SLC2A7: variants seen among roughly 807,000 people sequenced by gnomAD.
SLC2A7 encodes solute carrier family 2 member 7.
In SLC2A7, 50 loss-of-function variants were observed where a neutral mutation model predicts 50.5. The observed-to-expected ratio is 0.99, with a 90% CI of 0.79 to 1.25. SLC2A7 has a LOEUF of 1.25. Among genes scored for constraint, SLC2A7 ranks in the 50% most tolerant of loss-of-function variants. SLC2A7 has a pLI of 0.00. For missense variants in SLC2A7, 683 were observed against 679.1 expected, an observed-to-expected ratio of 1.01 and a Z score of -0.06; for synonymous variants, 308 against 300.4, an observed-to-expected ratio of 1.03 and a Z score of -0.26.
At chr1:8,993,222 C>T in the SLC2A7 span, among the ~76,000 whole-genome samples, 3 of 152,156 alleles carry the variant, frequency 2.0e-5, no homozygotes, top group African/African-American at 4.8e-5. Context: ...TCTCATGAGA[C>T]GTATTCACTA....
intron 4 of SLC2A7, 99 bp downstream of exon 4, chr1:9,019,110 A>G (rs1217726785): frequency 4.7e-6 from 7 of 1,481,912 alleles, no homozygotes; most frequent in Non-Finnish European, 6.3e-6. Context: ...TGAAATGAAA[A>G]GAGGCAGAGC....
At chr1:9,017,192 C>T (rs567812399) in intron 5 of SLC2A7, among the ~76,000 whole-genome samples, 17 of 152,268 alleles carry the variant, frequency 1.1e-4, no homozygotes, top group South Asian at 4.1e-4. Flanking sequence ...TGGTGGCGCT[C>T]GCTTGTAATC....
intron 9 of SLC2A7, 72 bp from the exon 10 acceptor site, chr1:9,007,457 C>T: frequency 4.9e-6 from 7 of 1,426,580 alleles, no homozygotes; most frequent in African/African-American, 1.4e-5. Context: ...CCTGCGGGTC[C>T]CACCTTCCTG....
rs1427468108 is a variant in SLC2A7, at chr1:9,004,822, G to C, written c.1250C>G (p.Ala417Gly). Residue 417 changes from alanine to glycine, a missense_variant, in exon 11 of 12, where the codon GCT (alanine) becomes GGT (glycine). Coordinates refer to ENST00000400906, the MANE Select transcript of SLC2A7 (RefSeq NM_207420.3). ...GTGCACTGCCCCGTCCACCATGAAA[G>C]CTGCCCGCCGGGAGGACTGCAGGAA... is the stretch of plus-strand genomic sequence containing the variant. The part of the protein sequence containing the change: ...EIFLQSSRRA[A>G]FMVDGAVHWL... 6.2e-7 allele frequency: 1 copy of C among 1,614,140 alleles called. No homozygotes were observed. Among genetic ancestry groups the C allele is most frequent in the African/African-American group, 1.3e-5 (1 of 75,052 alleles).
intron 5 of SLC2A7, among the ~76,000 whole-genome samples, chr1:9,016,615 G>C (rs1308999502): frequency 6.7e-6 from 1 of 150,084 alleles, no homozygotes; most frequent in Non-Finnish European, 1.5e-5. Context: ...AAGGAAGGAA[G>C]GAAGGGAAGG....
In SLC2A7 at chr1:9,010,211, G is replaced by C; in HGVS notation, c.1048C>G (p.Leu350Val). The change falls in exon 9 of 12, where the codon CTC becomes GTC. Residue 350 changes from leucine (L) to valine (V), a missense_variant. Leu to Val is a conservative substitution (Grantham distance 32). Coordinates refer to ENST00000400906, the MANE Select transcript of SLC2A7 (RefSeq NM_207420.3). ...VLVERLGRRH[L>V]LLAGYGICGS... ...CAGATGCCGTAGCCGGCCAGCAGGA[G>C]GTGCCGCCGTCCCAGCCGCTCCACA... 1 of 1,551,428 alleles carries C rather than the reference G, an allele frequency of 6.4e-7. No homozygotes were observed. Among genetic ancestry groups the C allele is most frequent in the Non-Finnish European group, 8.7e-7 (1 of 1,147,070 alleles).
chr1:9,015,307 C>T, intron 5 of SLC2A7, 65 bp from the exon 6 acceptor site: 2 of 1,486,896 alleles, frequency 1.3e-6, no homozygotes, highest in Admixed American at 2.3e-5. Flanking sequence ...TACCACTGTG[C>T]TCGGAAGGTC....
Position 9,004,742 on chromosome 1 carries a change from C to T in SLC2A7, c.1320+10G>A. ...CGGTGGAGCGGGTTGGGGAAGGGGCCCTCACTCACCTGGATGGATGGGAAC... is the reference window on the plus strand; with the variant it reads ...CGGTGGAGCGGGTTGGGGAAGGGGCTCTCACTCACCTGGATGGATGGGAAC... On this transcript the variant is annotated intron_variant, in intron 11 of 11. Transcript: ENST00000400906. 1 of 1,613,748 alleles carries T rather than the reference C, an allele frequency of 6.2e-7. No homozygotes were observed. Among genetic ancestry groups the T allele is most frequent in the Admixed American group, 1.7e-5 (1 of 60,004 alleles).
intron 1 of SLC2A7, 87 bp downstream of exon 1, chr1:9,026,208 A>C (rs774313503): frequency 5.4e-5 from 78 of 1,436,978 alleles, no homozygotes; most frequent in Admixed American, 2.3e-4. Flanking sequence ...TCCTTGCTAA[A>C]AGCATTCCAC....
At position 9,024,042 on chromosome 1, in the gene SLC2A7, G is replaced by C. The variant is rs147548019; in HGVS notation, c.150+934C>G. Reference sequence around the variant, plus strand: ...GGCTAATTTTTGGATTTTTAGTAGAGATGAGGTTTCACCATGTTGGCCAGG... The same window carrying C: ...GGCTAATTTTTGGATTTTTAGTAGACATGAGGTTTCACCATGTTGGCCAGG... On this transcript the variant is annotated intron_variant, in intron 2 of 11. Transcript: ENST00000400906. 3.9e-3 allele frequency among the ~76,000 whole-genome samples: 587 copies of C among 151,878 alleles called. 8 individuals are homozygous for C. The East Asian group carries it at 0.044, about 11-fold the overall frequency.
At chr1:9,013,130 C>T (rs1640773366) in intron 8 of SLC2A7, among the ~76,000 whole-genome samples, 1 of 152,018 alleles carries the variant, frequency 6.6e-6, no homozygotes, top group African/African-American at 2.4e-5. Flanking sequence ...GACCTCAAGT[C>T]ATCCACCTGC....
At chr1:8,994,289 C>T in the SLC2A7 span, among the ~76,000 whole-genome samples, 2 of 152,212 alleles carry the variant, frequency 1.3e-5, no homozygotes, top group African/African-American at 2.4e-5. Flanking sequence ...TGTGGAGTCA[C>T]GTCTTTGGAG....
intron 5 of SLC2A7, among the ~76,000 whole-genome samples, chr1:9,015,932 T>C (rs1240983320): frequency 2.0e-5 from 3 of 151,854 alleles, no homozygotes; most frequent in Non-Finnish European, 2.9e-5. Context: ...AGTCTTGCTA[T>C]GTTGCCCAGG....
At chr1:8,993,732 A>G in the SLC2A7 span, among the ~76,000 whole-genome samples, 1 of 152,194 alleles carries the variant, frequency 6.6e-6, no homozygotes, top group Non-Finnish European at 1.5e-5. Flanking sequence ...GGTTCAAGCG[A>G]TTCGCCTGCC....
chr1:9,015,903 T>A (rs367794527), intron 5 of SLC2A7, among the ~76,000 whole-genome samples: 2 of 144,582 alleles, frequency 1.4e-5, no homozygotes, highest in Non-Finnish European at 3.0e-5. Flanking sequence ...TTTTTTTTTT[T>A]AATTTTTAGT....
At chr1:9,000,631 T>C (rs530966081), downstream of SLC2A7, among the ~76,000 whole-genome samples, 179 of 151,510 alleles carry the variant, frequency 1.2e-3, 1 homozygote, top group Middle Eastern at 6.8e-3. Flanking sequence ...AATAAATAAA[T>C]AAATAAAAAT....
At chr1:8,994,118 C>T in the SLC2A7 span, among the ~76,000 whole-genome samples, 6 of 152,214 alleles carry the variant, frequency 3.9e-5, no homozygotes, top group Admixed American at 3.9e-4. Flanking sequence ...GAGGGCCTTC[C>T]AGTTACTCCT....
At chr1:9,024,843 G>A in intron 2 of SLC2A7, 133 bp downstream of exon 2, 3 of 946,332 alleles carry the variant, frequency 3.2e-6, no homozygotes, top group Non-Finnish European at 4.8e-6. Flanking sequence ...GGGCAAGCTG[G>A]CTGCTCCCAA....
downstream of SLC2A7, among the ~76,000 whole-genome samples, chr1:8,999,621 C>T (rs1025525413): frequency 1.3e-5 from 2 of 152,238 alleles, no homozygotes; most frequent in Admixed American, 6.5e-5. Flanking sequence ...TCTCATACCA[C>T]TAACTGGCTT....
Sources: allele counts gnomAD v4.1 joint callset (sites outside exome capture counted in the v4.1 genomes callset), GRCh38; gene constraint gnomAD v4.1.1; transcripts MANE v1.5; gene names NCBI Gene and HGNC (gene_info 2026-07-23, HGNC 2026-07-21).